DOCK3: variants seen among roughly 807,000 people sequenced by gnomAD.
DOCK3 encodes the protein dedicator of cytokinesis 3.
DOCK3 carries 60 observed loss-of-function variants against 265.6 expected under a neutral mutation model. The ratio of observed to expected loss-of-function variants is 0.23; its 90% CI spans 0.18 to 0.28. DOCK3 has a LOEUF of 0.28. DOCK3 is among the 10% of genes least tolerant of loss of function. DOCK3 has a pLI of 1.00. For synonymous variants in DOCK3, 881 were observed against 938.0 expected (o/e 0.94, Z 1.11); for missense variants, 1,981 against 2,594.3 (o/e 0.76, Z 5.14).
intron 12 of DOCK3, among the ~76,000 whole-genome samples, chr3:51,170,291 C>T (rs2086610870): frequency 6.7e-6 from 1 of 149,462 alleles, no homozygotes; most frequent in South Asian, 2.1e-4. Flanking sequence ...CCCTTCACTT[C>T]ATTTTTTTTT....
chr3:51,216,175 C>T (rs1560223632), intron 14 of DOCK3, among the ~76,000 whole-genome samples: 1 of 152,158 alleles, frequency 6.6e-6, no homozygotes, highest in Non-Finnish European at 1.5e-5. Context: ...TCACATACTT[C>T]TGGGATTAAA....
intron 20 of DOCK3, 121 bp downstream of exon 20, chr3:51,236,549 A>G: frequency 1.1e-6 from 1 of 936,192 alleles, no homozygotes; most frequent in Non-Finnish European, 1.6e-6. Context: ...CCAATAGAAA[A>G]GGGACTAAGG....
intron 24 of DOCK3, 108 bp downstream of exon 24, chr3:51,271,115 G>T: frequency 7.8e-7 from 1 of 1,280,770 alleles, no homozygotes. Flanking sequence ...CAACGATTAT[G>T]CAAGAAACCA....
At chr3:50,792,668 C>CT (rs1397382930) in intron 2 of DOCK3, among the ~76,000 whole-genome samples, 1 of 152,144 alleles carries the variant, frequency 6.6e-6, no homozygotes, top group Non-Finnish European at 1.5e-5. Context: ...TACCAAAAGC[C>CT]TTTTCTGCAT....
chr3:50,713,408 A>G (rs908509107), intron 1 of DOCK3, among the ~76,000 whole-genome samples: 7 of 152,180 alleles, frequency 4.6e-5, no homozygotes, highest in African/African-American at 1.7e-4. Context: ...TGTAGTATGG[A>G]TAATGGGAAG....
At chr3:51,347,242 A>C (rs1241030988) in intron 38 of DOCK3, among the ~76,000 whole-genome samples, 1 of 152,154 alleles carries the variant, frequency 6.6e-6, no homozygotes, top group Non-Finnish European at 1.5e-5. Context: ...GGTATTGCCT[A>C]GGTTTTCTTC....
chr3:51,349,489 T>C (rs2085827056), intron 39 of DOCK3, among the ~76,000 whole-genome samples: 1 of 152,222 alleles, frequency 6.6e-6, no homozygotes, highest in African/African-American at 2.4e-5. Context: ...CAACTCACCC[T>C]TTCTGCACCC....
chr3:51,139,263 G>C lies in DOCK3; in HGVS notation c.747-7286G>C, dbSNP rs556281482. Reference sequence around the variant, plus strand: ...CTCCACTCAACTGCAGTGGGGGGAGGGCTAAGATGTATACTCTAGCTGTGT... The same window carrying C: ...CTCCACTCAACTGCAGTGGGGGGAGCGCTAAGATGTATACTCTAGCTGTGT... On this transcript the variant is annotated intron_variant, in intron 9 of 52. Coordinates refer to ENST00000266037, the MANE Select transcript of DOCK3 (RefSeq NM_004947.5). 4.0e-5 allele frequency among the ~76,000 whole-genome samples: 6 copies of C among 151,074 alleles called. No homozygotes were observed. The South Asian group carries it at 6.3e-4, about 16-fold the overall frequency.
In DOCK3 at chr3:51,234,062, C is replaced by G. The variant is rs139638914; in HGVS notation, c.1918-2283C>G. ...TACTATTTTTAGTTTTCTGAGAAAC[C>G]TCTATACTGTTTTCCATAATGGCTG... On this transcript the variant is annotated intron_variant, in intron 19 of 52. Transcript: ENST00000266037. Among the ~76,000 whole-genome samples, 14 of 152,268 alleles carry G rather than the reference C, an allele frequency of 9.2e-5. No individual in the cohort carries two copies. The East Asian group carries it at 2.5e-3, about 27-fold the overall frequency.
intron 2 of DOCK3, 88 bp downstream of exon 2, chr3:50,778,846 A>G (rs1461327979): frequency 5.7e-6 from 5 of 876,194 alleles, no homozygotes; most frequent in Non-Finnish European, 8.5e-6. Flanking sequence ...ATTATAAGCA[A>G]TAATTCTGGA....
intron 5 of DOCK3, among the ~76,000 whole-genome samples, chr3:50,963,777 G>A (rs549926267): frequency 6.6e-6 from 1 of 152,308 alleles, no homozygotes; most frequent in South Asian, 2.1e-4. Flanking sequence ...TGCATTGCAG[G>A]GAGATGGAAT....
At chr3:50,687,769 A>G (rs1227867465) in intron 1 of DOCK3, among the ~76,000 whole-genome samples, 2 of 152,182 alleles carry the variant, frequency 1.3e-5, no homozygotes, top group South Asian at 2.1e-4. Flanking sequence ...CATTCCATCT[A>G]TGCATATACT....
intron 32 of DOCK3, among the ~76,000 whole-genome samples, chr3:51,323,776 T>C (rs2083900726): frequency 6.6e-6 from 1 of 151,310 alleles, no homozygotes; most frequent in African/African-American, 2.4e-5. Flanking sequence ...TTAAAAAAAC[T>C]AGAGAAGCAA....
At chr3:50,990,422 C>T (rs1209992827) in intron 5 of DOCK3, among the ~76,000 whole-genome samples, 1 of 152,096 alleles carries the variant, frequency 6.6e-6, no homozygotes, top group Non-Finnish European at 1.5e-5. Flanking sequence ...AGGGCAGGTC[C>T]ACCTACAAAG....
rs374166420 is a variant in DOCK3 at position 50,969,832 on chromosome 3, G to A, written c.315+35755G>A. Reference sequence around the variant, plus strand: ...TACACCTGTAATCCCAGCACTTTGGGAGGCCGAGGTGGGCGGATCACGAGG... The same window carrying A: ...TACACCTGTAATCCCAGCACTTTGGAAGGCCGAGGTGGGCGGATCACGAGG... On this transcript the variant is annotated intron_variant, in intron 5 of 52. Coordinates refer to ENST00000266037, the MANE Select transcript of DOCK3 (RefSeq NM_004947.5). Among the ~76,000 whole-genome samples the A allele has an allele frequency of 2.0e-3, 309 of 152,296 alleles. 5 individuals are homozygous for A. In the South Asian group the frequency reaches 0.058, roughly 29 times the overall value.
intron 5 of DOCK3, among the ~76,000 whole-genome samples, chr3:50,970,913 A>AATGTGTGTGTGTGTGTGTGTG (rs2077193398): frequency 1.7e-5 from 1 of 60,222 alleles, no homozygotes. Flanking sequence ...ATATATATAT[A>AATGTGTGTGTGTGTGTGTGTG]TATATATATA....
chr3:50,776,251 T>A (rs562811013), intron 1 of DOCK3, among the ~76,000 whole-genome samples: 2 of 152,282 alleles, frequency 1.3e-5, no homozygotes, highest in South Asian at 4.1e-4. Context: ...CCAACATCTA[T>A]TGTTTTTTGA....
intron 5 of DOCK3, among the ~76,000 whole-genome samples, chr3:50,940,215 G>A (rs1339077464): frequency 1.3e-5 from 2 of 151,468 alleles, no homozygotes; most frequent in Non-Finnish European, 1.5e-5. Flanking sequence ...ACTTTGGGAG[G>A]CTGAGGCAGG....
chr3:50,696,004 G>C (rs1427129691), intron 1 of DOCK3, among the ~76,000 whole-genome samples: 1 of 152,154 alleles, frequency 6.6e-6, no homozygotes, highest in Non-Finnish European at 1.5e-5. Flanking sequence ...TTATAGCCTG[G>C]GGTTTGTCTT....
Sources: allele counts gnomAD v4.1 joint callset (sites outside exome capture counted in the v4.1 genomes callset), GRCh38; gene constraint gnomAD v4.1.1; transcripts MANE v1.5; gene names NCBI Gene and HGNC (gene_info 2026-07-23, HGNC 2026-07-21).